NAPA: variants seen among roughly 807,000 people sequenced by gnomAD.
NAPA encodes alpha-soluble NSF attachment protein.
Under a neutral mutation model 48.0 loss-of-function variants are expected in NAPA, and 18 were observed. That is an observed-to-expected ratio of 0.38 (90% confidence interval 0.26 to 0.56). The LOEUF (loss-of-function observed/expected upper bound fraction) is 0.56. Ranked by LOEUF, NAPA falls within the 20% of genes least tolerant of loss-of-function variation. The pLI is 0.77. For synonymous variants in NAPA, 152 were observed against 149.9 expected, an observed-to-expected ratio of 1.01 and a Z score of -0.10; for missense variants, 315 against 385.0, an observed-to-expected ratio of 0.82 and a Z score of 1.52.
intron 1 of NAPA, among the ~76,000 whole-genome samples, chr19:47,509,611 G>A (rs1017843868): frequency 2.0e-5 from 3 of 152,180 alleles, no homozygotes; most frequent in Non-Finnish European, 2.9e-5. Context: ...TTCCAGGCAC[G>A]CTTCCCTACT....
chr19:47,492,939 C>T (rs755923210), intron 7 of NAPA, 22 bp downstream of exon 7: 8 of 1,611,824 alleles, frequency 5.0e-6, no homozygotes, highest in African/African-American at 1.3e-5. Context: ...GGGTGGAAGC[C>T]GCCATCCCCA....
chr19:47,514,912 G>A lies in NAPA; in HGVS notation c.29C>T (p.Ala10Val), dbSNP rs922758141. The A allele has an allele frequency of 6.2e-7, 1 of 1,613,966 alleles. No homozygotes were observed. Among genetic ancestry groups the A allele is most frequent in the Non-Finnish European group, 8.5e-7 (1 of 1,180,008 alleles). Reference sequence around the variant, plus strand: ...CTCCGCCTCGGCCAACAGCGCCATCGCCTCCGCTTCCTTCCCGGAATTGTC... The same window carrying A: ...CTCCGCCTCGGCCAACAGCGCCATCACCTCCGCTTCCTTCCCGGAATTGTC... MDNSGKEAE[A>V]MALLAEAERK... The change falls in exon 1 of 11, where the codon GCG becomes GTG. Residue 10 changes from alanine (A) to valine (V), a missense_variant. Physicochemically the swap from Ala to Val is moderately conservative, Grantham distance 64. This residue lies in a region of NAPA where 173 missense variants were observed against 213.5 expected (regional missense o/e 0.81). Coordinates refer to ENST00000263354, the MANE Select transcript of NAPA (RefSeq NM_003827.4).
At position 47,514,832 on chromosome 19, in the gene NAPA, C is replaced by G; in HGVS notation, c.98+11G>C. On this transcript the variant is annotated intron_variant, in intron 1 of 10. Coordinates refer to ENST00000263354, the MANE Select transcript of NAPA (RefSeq NM_003827.4). Reference sequence around the variant, plus strand: ...CCTAGGTCCCGGCCGACCCCTCAGCCCGGTTCTCACCCAAAGAGGCCAGAG... The same window carrying G: ...CCTAGGTCCCGGCCGACCCCTCAGCGCGGTTCTCACCCAAAGAGGCCAGAG... 1 of 1,613,016 alleles carries G rather than the reference C, an allele frequency of 6.2e-7. No individual in the cohort carries two copies. The highest frequency in any genetic ancestry group is 1.1e-5 in the South Asian group (1 of 91,016).
At chr19:47,489,690 C>G in intron 10 of NAPA, 21 bp downstream of exon 10, 1 of 1,613,488 alleles carries the variant, frequency 6.2e-7, no homozygotes, top group Admixed American at 1.7e-5. Flanking sequence ...AGGGGCCTGG[C>G]CCCCCATGCT....
At chr19:47,486,875 CCT>C (rs1968090495), downstream of NAPA, among the ~76,000 whole-genome samples, 1 of 152,194 alleles carries the variant, frequency 6.6e-6, no homozygotes, top group African/African-American at 2.4e-5. Context: ...GGCTGGAGCC[CCT>C]CTCCCAGGAG....
chr19:47,494,068 C>G (rs779003281), intron 4 of NAPA, among the ~76,000 whole-genome samples: 1 of 152,238 alleles, frequency 6.6e-6, no homozygotes, highest in South Asian at 2.1e-4. Flanking sequence ...AGTGTCCAGG[C>G]GCTTGCCTAA....
intron 1 of NAPA, among the ~76,000 whole-genome samples, chr19:47,510,787 T>A (rs1968790685): frequency 6.6e-6 from 1 of 152,182 alleles, no homozygotes; most frequent in Admixed American, 6.5e-5. Flanking sequence ...GACTCAGCCA[T>A]CCCCTTCTGC....
At position 47,489,767 on chromosome 19, in the gene NAPA, A is replaced by G; in HGVS notation, c.736-6T>C. ...TCGTGGGCCTCTAGCAATTTCTGCAAGCAAATGGCAGAGAGGGGTCAGGGG... is the reference window on the plus strand; with the variant it reads ...TCGTGGGCCTCTAGCAATTTCTGCAGGCAAATGGCAGAGAGGGGTCAGGGG... On this transcript the variant is annotated splice_region_variant and splice_polypyrimidine_tract_variant and intron_variant, in intron 9 of 10. Transcript: ENST00000263354. The G allele has an allele frequency of 6.2e-7, 1 of 1,613,988 alleles. No individual in the cohort carries two copies. The highest frequency in any genetic ancestry group is 8.5e-7 in the Non-Finnish European group (1 of 1,179,966).
chr19:47,507,517 CG>C (rs2122773743), intron 1 of NAPA, among the ~76,000 whole-genome samples: 1 of 152,282 alleles, frequency 6.6e-6, no homozygotes, highest in Admixed American at 6.5e-5. Flanking sequence ...GCCCCCATTT[CG>C]GGTCCTGGAC....
chr19:47,514,475 C>T (rs1010775594), intron 1 of NAPA, among the ~76,000 whole-genome samples: 2 of 151,684 alleles, frequency 1.3e-5, no homozygotes, highest in African/African-American at 2.4e-5. Context: ...CTCCCTCCGT[C>T]CCCCCAGGCC....
intron 1 of NAPA, among the ~76,000 whole-genome samples, chr19:47,508,680 T>TA (rs1568471023): frequency 6.6e-6 from 1 of 151,774 alleles, no homozygotes; most frequent in Admixed American, 6.6e-5. Flanking sequence ...TTTTTTTTTT[T>TA]AAATAAGAGA....
intron 1 of NAPA, among the ~76,000 whole-genome samples, chr19:47,514,037 C>CG (rs1968857764): frequency 6.6e-6 from 1 of 151,480 alleles, no homozygotes; most frequent in South Asian, 2.1e-4. Context: ...TTAGTAGAGA[C>CG]GGGGTTTCAC....
Position 47,489,703 on chromosome 19 carries a change from C to T in NAPA, c.786+8G>A, listed in dbSNP as rs774646381. On this transcript the variant is annotated splice_region_variant and intron_variant, in intron 10 of 10. Transcript: ENST00000263354. ...GAAGGGGCCTGGCCCCCCATGCTGG[C>T]CACTCACCGACTCGGTGTAGCTGTC... 6.2e-6 allele frequency: 10 copies of T among 1,613,854 alleles called. No homozygotes were observed. The highest frequency in any genetic ancestry group is 1.7e-5 in the Admixed American group (1 of 59,998).
rs146042801 is a variant in NAPA, at chr19:47,514,859, A to G, written c.82T>C (p.Phe28Leu). 78 of 1,614,004 alleles carry G rather than the reference A, an allele frequency of 4.8e-5. No homozygotes were observed. The African/African-American group carries it at 7.2e-4, about 15-fold the overall frequency. ...ERKVKNSQSF[F>L]SGLFGGSSKI... ...GGTTCTCACCCAAAGAGGCCAGAGA[A>G]GAAGGACTGCGAGTTCTTCACTTTG... The change falls in exon 1 of 11, where the codon TTC becomes CTC. Residue 28 changes from phenylalanine to leucine, a missense_variant. Around this residue, in one of 3 missense-constraint regions of NAPA, gnomAD observed 173 missense variants for 213.5 expected, o/e 0.81. Coordinates refer to ENST00000263354, the MANE Select transcript of NAPA (RefSeq NM_003827.4).
intron 1 of NAPA, among the ~76,000 whole-genome samples, chr19:47,510,121 G>GATCTT: frequency 6.6e-6 from 1 of 152,314 alleles, no homozygotes; most frequent in Admixed American, 6.5e-5. Flanking sequence ...GCAGCTGGCA[G>GATCTT]GGCACTGTGA....
chr19:47,493,482 C>T lies in NAPA; in HGVS notation c.354G>A (p.Thr118=), dbSNP rs750683584. Residue 118 remains threonine, a synonymous_variant, in exon 5 of 11, where the codon ACG becomes ACA. Coordinates refer to ENST00000263354, the MANE Select transcript of NAPA (RefSeq NM_003827.4). The surrounding 1 kb of genome is among the most constrained non-coding windows in gnomAD (Gnocchi z 6.4). ...IEIYTDMGRF[T]IAAKHHISIA... ...TGGAGATGTGGTGCTTGGCCGCAAT[C>T]GTGAATCGGCCCTGGAGGGGACACA... The T allele has an allele frequency of 6.2e-6, 10 of 1,613,802 alleles. No homozygotes were observed. The African/African-American group carries it at 8.0e-5, about 13-fold the overall frequency.
chr19:47,492,657 C>G (rs1166629864), intron 7 of NAPA: 1 of 514,550 alleles, frequency 1.9e-6, no homozygotes, highest in Non-Finnish European at 3.7e-6. Context: ...GCACTTCTTC[C>G]CATTCCCTCC....
chr19:47,489,556 T>C, intron 10 of NAPA, 155 bp downstream of exon 10: 1 of 822,454 alleles, frequency 1.2e-6, no homozygotes, highest in Non-Finnish European at 1.9e-6. Context: ...TGGCGCTACT[T>C]GTAAGGTTTC....
At chr19:47,492,195 G>A (rs1968288198) in intron 7 of NAPA, 76 bp from the exon 8 acceptor site, 2 of 1,285,058 alleles carry the variant, frequency 1.6e-6, no homozygotes, top group African/African-American at 1.5e-5. Context: ...CAGGCACTGG[G>A]GGGCCAGCTG....
Sources: gnomAD v4.1 joint callset for allele counts (sites outside exome capture counted in the v4.1 genomes callset) on GRCh38, gnomAD v4.1.1 for gene constraint, gnomAD v4.1.1 regional missense constraint, Gnocchi (gnomAD v3.1) non-coding constraint, MANE v1.5 for transcripts, NCBI Gene and HGNC (gene_info 2026-07-23, HGNC 2026-07-21) for gene names.